Variants in PDE4B observed in about 807,000 individuals in gnomAD.
PDE4B encodes 3',5'-cyclic-AMP phosphodiesterase 4B.
Under a neutral mutation model 82.2 loss-of-function variants are expected in PDE4B, and 20 were observed. The observed-to-expected ratio is 0.24, with a 90% CI of 0.17 to 0.35. The LOEUF is 0.35. PDE4B is among the 10% of genes least tolerant of loss of function. The pLI is 1.00. For synonymous variants in PDE4B, 320 were observed against 318.9 expected, an observed-to-expected ratio of 1.00 and a Z score of -0.04; for missense variants, 655 against 907.2, an observed-to-expected ratio of 0.72 and a Z score of 3.57.
intron 3 of PDE4B, among the ~76,000 whole-genome samples, chr1:65,994,691 A>G (rs779899341): frequency 4.6e-5 from 7 of 152,070 alleles, no homozygotes; most frequent in Non-Finnish European, 1.0e-4. Flanking sequence ...ATAGATGCAC[A>G]TTTTTTCTTG....
chr1:65,903,340 T>C (rs943128621), intron 1 of PDE4B, among the ~76,000 whole-genome samples: 1 of 152,106 alleles, frequency 6.6e-6, no homozygotes, highest in African/African-American at 2.4e-5. Flanking sequence ...AGGGCAAAGC[T>C]TAATTTCTCA....
At chr1:66,321,980 G>A (rs1659437677) in intron 7 of PDE4B, among the ~76,000 whole-genome samples, 1 of 152,088 alleles carries the variant, frequency 6.6e-6, no homozygotes, top group Non-Finnish European at 1.5e-5. Context: ...CGCAGATATA[G>A]ACCACTGGAA....
intron 3 of PDE4B, among the ~76,000 whole-genome samples, chr1:66,198,945 A>C (rs938393511): frequency 6.6e-6 from 1 of 152,018 alleles, no homozygotes; most frequent in Admixed American, 6.6e-5. Flanking sequence ...TGAACTCATC[A>C]TTTTTTATGG....
intron 3 of PDE4B, among the ~76,000 whole-genome samples, chr1:65,989,739 G>A (rs1651144178): frequency 6.6e-6 from 1 of 152,020 alleles, no homozygotes; most frequent in African/African-American, 2.4e-5. Flanking sequence ...CTTTTCTCCT[G>A]TTCTCCTGGC....
chr1:66,171,282 A>G (rs148402001), intron 3 of PDE4B, among the ~76,000 whole-genome samples: 67 of 152,290 alleles, frequency 4.4e-4, no homozygotes, highest in Non-Finnish European at 3.2e-4. Context: ...TTGGGTCGAA[A>G]ATGAAATCTT....
At chr1:65,946,765 C>G (rs1276499181) in intron 3 of PDE4B, among the ~76,000 whole-genome samples, 1 of 151,952 alleles carries the variant, frequency 6.6e-6, no homozygotes, top group South Asian at 2.1e-4. Context: ...TATGCAGACC[C>G]ATTTGTTGCC....
chr1:66,127,242 G>A (rs1645843193), intron 3 of PDE4B, among the ~76,000 whole-genome samples: 1 of 152,084 alleles, frequency 6.6e-6, no homozygotes, highest in African/African-American at 2.4e-5. Flanking sequence ...CATACCTTAG[G>A]GGAAACAATA....
intron 7 of PDE4B, among the ~76,000 whole-genome samples, chr1:66,271,516 A>C (rs1185705243): frequency 6.6e-6 from 1 of 152,232 alleles, no homozygotes; most frequent in East Asian, 1.9e-4. Flanking sequence ...CTAGATACAG[A>C]CACGTTTTTT....
chr1:66,143,744 C>T (rs931563475), intron 3 of PDE4B, among the ~76,000 whole-genome samples: 1 of 152,162 alleles, frequency 6.6e-6, no homozygotes, highest in Non-Finnish European at 1.5e-5. Context: ...AAGCAGAGGA[C>T]ATTCTGAAAG....
chr1:65,904,944 TA>T (rs1323855950), intron 1 of PDE4B, among the ~76,000 whole-genome samples: 1 of 152,160 alleles, frequency 6.6e-6, no homozygotes, highest in Non-Finnish European at 1.5e-5. Context: ...CCTGTCAATA[TA>T]GCTGACATTT....
chr1:66,139,921 C>G (rs1294397742), intron 3 of PDE4B, among the ~76,000 whole-genome samples: 1 of 152,046 alleles, frequency 6.6e-6, no homozygotes, highest in Non-Finnish European at 1.5e-5. Flanking sequence ...CATTCTTTAC[C>G]TATATGAGGT....
chr1:66,082,267 G>T (rs72920242), intron 3 of PDE4B, among the ~76,000 whole-genome samples: 1 of 152,034 alleles, frequency 6.6e-6, no homozygotes, highest in African/African-American at 2.4e-5. Flanking sequence ...AGAACAAGGA[G>T]CCTCCTTTGT....
chr1:66,073,149 G>A (rs1656245478), intron 3 of PDE4B, among the ~76,000 whole-genome samples: 2 of 151,986 alleles, frequency 1.3e-5, no homozygotes, highest in African/African-American at 4.8e-5. Flanking sequence ...CAGGGATTGT[G>A]TCCTGCTGTG....
At chr1:66,248,320 G>C (rs1290896134) in intron 4 of PDE4B, among the ~76,000 whole-genome samples, 3 of 152,148 alleles carry the variant, frequency 2.0e-5, no homozygotes, top group African/African-American at 7.2e-5. Flanking sequence ...AATAAAATTG[G>C]ATTCTGGAAT....
In PDE4B at chr1:66,204,785, C is replaced by A. The variant is rs546993494; in HGVS notation, c.282-42675C>A. On this transcript the variant is annotated intron_variant, in intron 3 of 16. Coordinates refer to ENST00000341517, the MANE Select transcript of PDE4B (RefSeq NM_002600.4). ...ACTAGGAAAGGGAACTCCCTGACCC[C>A]TTGCACTTCCAGAGGGAGGCAATGC... 2.0e-5 allele frequency among the ~76,000 whole-genome samples: 3 copies of A among 152,348 alleles called. No homozygotes were observed. The South Asian group carries it at 6.2e-4, about 32-fold the overall frequency.
At chr1:66,367,388 T>C (rs1663327915) in intron 13 of PDE4B, 1 of 195,626 alleles carries the variant, frequency 5.1e-6, no homozygotes, top group Admixed American at 5.7e-5. Flanking sequence ...AAATAGGATT[T>C]AGCTGCTCAG....
chr1:66,258,759 G>C (rs1654455276), intron 6 of PDE4B, among the ~76,000 whole-genome samples: 1 of 152,158 alleles, frequency 6.6e-6, no homozygotes, highest in African/African-American at 2.4e-5. Context: ...TCCAGTCTTT[G>C]TGAAGTTATT....
At chr1:66,000,077 C>T (rs528771109) in intron 3 of PDE4B, among the ~76,000 whole-genome samples, 3 of 152,238 alleles carry the variant, frequency 2.0e-5, no homozygotes, top group Non-Finnish European at 1.5e-5. Context: ...ATTAAGTCAC[C>T]ATGTACAAAT....
At chr1:66,332,678 C>T in intron 8 of PDE4B, 58 bp downstream of exon 8, 18 of 1,399,312 alleles carry the variant, frequency 1.3e-5, no homozygotes, top group South Asian at 6.0e-5. Context: ...TCCAGCTCCC[C>T]TCACCCCTGT....
Sources: allele counts gnomAD v4.1 joint callset (sites outside exome capture counted in the v4.1 genomes callset), GRCh38; gene constraint gnomAD v4.1.1; transcripts MANE v1.5; gene names NCBI Gene and HGNC (gene_info 2026-07-23, HGNC 2026-07-21).